Variants in TAFA1 observed in about 807,000 individuals in gnomAD.
TAFA1 encodes chemokine-like protein TAFA-1.
A neutral mutation model predicts 18.5 loss-of-function variants in TAFA1; 4 were observed. The observed-to-expected ratio is 0.22, with a 90% confidence interval of 0.11 to 0.49. The LOEUF (loss-of-function observed/expected upper bound fraction) is 0.49. Among genes scored for constraint, TAFA1 ranks in the 20% least tolerant of loss-of-function variants. The pLI is 0.98. For missense variants in TAFA1, 147 were observed against 169.0 expected (o/e 0.87, Z 0.72); for synonymous variants, 56 against 55.2 (o/e 1.01, Z -0.06).
intron 3 of TAFA1, among the ~76,000 whole-genome samples, chr3:68,460,506 T>G (rs1358861206): frequency 6.6e-6 from 1 of 152,194 alleles, no homozygotes; most frequent in Non-Finnish European, 1.5e-5. Context: ...GTAACTATCC[T>G]AATAAAATCA....
chr3:68,155,377 C>T (rs1240220394), intron 2 of TAFA1, among the ~76,000 whole-genome samples: 3 of 152,162 alleles, frequency 2.0e-5, no homozygotes, highest in South Asian at 4.1e-4. Context: ...CCAGGTATTA[C>T]GTTAGTCAGT....
At chr3:68,260,386 G>T (rs892211169) in intron 2 of TAFA1, among the ~76,000 whole-genome samples, 16 of 151,980 alleles carry the variant, frequency 1.1e-4, no homozygotes, top group Non-Finnish European at 2.2e-4. Flanking sequence ...CAAGGATATT[G>T]GTCTAAAATT....
chr3:68,475,508 C>T (rs890057905), intron 3 of TAFA1, among the ~76,000 whole-genome samples: 78 of 152,212 alleles, frequency 5.1e-4, no homozygotes, highest in Non-Finnish European at 6.2e-4. Context: ...TTTATGGCTG[C>T]GTAGTATTCC....
At chr3:68,022,433 C>T (rs74994883) in intron 2 of TAFA1, among the ~76,000 whole-genome samples, 2,589 of 152,190 alleles carry the variant, frequency 0.017, 74 homozygotes, top group African/African-American at 0.058. Context: ...CCCTGGGTAA[C>T]TCCAATAGTA....
intron 2 of TAFA1, among the ~76,000 whole-genome samples, chr3:68,292,121 C>T (rs2068119438): frequency 3.3e-5 from 5 of 152,130 alleles, no homozygotes; most frequent in Admixed American, 3.3e-4. Context: ...TTTCCCCTCA[C>T]ATATTCCATT....
intron 3 of TAFA1, among the ~76,000 whole-genome samples, chr3:68,437,556 A>T (rs2071286077): frequency 6.6e-6 from 1 of 152,136 alleles, no homozygotes; most frequent in African/African-American, 2.4e-5. Flanking sequence ...ATAACATGGC[A>T]AGGGGACGGA....
chr3:68,339,524 A>T (rs1226574409), intron 2 of TAFA1, among the ~76,000 whole-genome samples: 1 of 152,222 alleles, frequency 6.6e-6, no homozygotes, highest in African/African-American at 2.4e-5. Flanking sequence ...TGAGAAACAG[A>T]GGCAATCTGT....
chr3:68,446,277 A>T (rs1426172449), intron 3 of TAFA1, among the ~76,000 whole-genome samples: 2 of 152,086 alleles, frequency 1.3e-5, no homozygotes, highest in Non-Finnish European at 2.9e-5. Context: ...CTTCTTTCAC[A>T]CTATGACAGC....
In TAFA1 at chr3:68,388,058, A is replaced by G. The variant is rs1034597431; in HGVS notation, c.119-29222A>G. ...TAATAGGCATATTATATATAGTTTG[A>G]AAAGGCATATTCAGTATTTCAATAT... On this transcript the variant is annotated intron_variant, in intron 2 of 4. Coordinates refer to ENST00000478136, the MANE Select transcript of TAFA1 (RefSeq NM_213609.4). Among the ~76,000 whole-genome samples the G allele has an allele frequency of 6.6e-5, 10 of 152,308 alleles. No individual in the cohort carries two copies. The East Asian group carries it at 1.5e-3, about 23-fold the overall frequency.
intron 3 of TAFA1, among the ~76,000 whole-genome samples, chr3:68,445,981 A>C (rs1420192549): frequency 3.3e-5 from 5 of 152,138 alleles, no homozygotes; most frequent in Non-Finnish European, 7.4e-5. Context: ...AGCTCACTGC[A>C]GCCTCAAACT....
intron 2 of TAFA1, among the ~76,000 whole-genome samples, chr3:68,035,985 G>C (rs1705038714): frequency 6.6e-6 from 1 of 152,194 alleles, no homozygotes; most frequent in African/African-American, 2.4e-5. Flanking sequence ...AAACTGATTA[G>C]TGGTGTCCAG....
intron 2 of TAFA1, among the ~76,000 whole-genome samples, chr3:68,120,188 TC>T (rs1426826500): frequency 7.6e-5 from 2 of 26,230 alleles, no homozygotes; most frequent in Non-Finnish European, 8.8e-5. Context: ...TTTCTTTCTT[TC>T]TTTCTTTCTT....
intron 2 of TAFA1, among the ~76,000 whole-genome samples, chr3:68,372,158 G>T (rs62245794): frequency 1.3e-5 from 2 of 152,150 alleles, no homozygotes; most frequent in African/African-American, 4.8e-5. Flanking sequence ...AAGATGCCCC[G>T]CAGGTTGAAA....
intron 2 of TAFA1, among the ~76,000 whole-genome samples, chr3:68,006,964 G>T (rs1187625732): frequency 6.6e-6 from 1 of 151,734 alleles, no homozygotes. Context: ...TTTTCTAAGT[G>T]TCACCCCACC....
intron 2 of TAFA1, among the ~76,000 whole-genome samples, chr3:68,132,282 A>G (rs1454482685): frequency 6.6e-6 from 1 of 152,188 alleles, no homozygotes; most frequent in African/African-American, 2.4e-5. Context: ...TATATCATTG[A>G]CGGACATTTG....
At chr3:68,082,466 G>C (rs980163017) in intron 2 of TAFA1, among the ~76,000 whole-genome samples, 1 of 152,144 alleles carries the variant, frequency 6.6e-6, no homozygotes, top group Non-Finnish European at 1.5e-5. Context: ...TAGACATGAG[G>C]TCAGGTCCTA....
intron 2 of TAFA1, among the ~76,000 whole-genome samples, chr3:68,112,428 A>C (rs2065273121): frequency 6.6e-6 from 1 of 152,214 alleles, no homozygotes; most frequent in Admixed American, 6.5e-5. Flanking sequence ...AGTGTTTGAT[A>C]AAATTATTTC....
rs75882451 is a variant in TAFA1 at position 68,410,957 on chromosome 3, A to C, written c.119-6323A>C. Among the ~76,000 whole-genome samples, 21 of 152,308 alleles carry C rather than the reference A, an allele frequency of 1.4e-4. No homozygotes were observed. In the East Asian group the frequency reaches 4.1e-3, roughly 29 times the overall value. On this transcript the variant is annotated intron_variant, in intron 2 of 4. Transcript: ENST00000478136. ...TTCACAAGGTAAACCTTAAAATACA[A>C]ATACATTGGATTAAAATACACATTT... is the stretch of plus-strand genomic sequence containing the variant.
At chr3:68,369,029 G>T (rs574921713) in intron 2 of TAFA1, among the ~76,000 whole-genome samples, 1 of 152,266 alleles carries the variant, frequency 6.6e-6, no homozygotes, top group South Asian at 2.1e-4. Flanking sequence ...TTTATTGCTT[G>T]ATATGACCTT....
Sources: gnomAD v4.1 joint callset for allele counts (sites outside exome capture counted in the v4.1 genomes callset) on GRCh38, gnomAD v4.1.1 for gene constraint, MANE v1.5 for transcripts, NCBI Gene and HGNC (gene_info 2026-07-23, HGNC 2026-07-21) for gene names.